The following USP42 variants were observed in gnomAD, a reference collection of about 807,000 sequenced individuals.
USP42 encodes ubiquitin specific peptidase 42.
In USP42, 23 loss-of-function variants were observed where a neutral mutation model predicts 113.0. That is an observed-to-expected ratio of 0.20 (90% CI 0.15 to 0.29). USP42 has a LOEUF of 0.29. USP42 is among the 10% of genes least tolerant of loss of function. The pLI, the probability that USP42 is intolerant of heterozygous loss-of-function variation, is 1.00. For synonymous variants in USP42, 933 were observed against 699.0 expected (o/e 1.33, Z -5.28); for missense variants, 2,174 against 1,779.8 (o/e 1.22, Z -3.99).
intron 1 of USP42, 36 bp from the exon 2 acceptor site, chr7:6,111,089 C>T (rs1027333968): frequency 1.3e-6 from 2 of 1,580,732 alleles, no homozygotes; most frequent in Non-Finnish European, 8.6e-7. Flanking sequence ...CTTTTCTCAC[C>T]TGATGAAACA....
chr7:6,123,777 G>T (rs1281547502), intron 3 of USP42, among the ~76,000 whole-genome samples: 1 of 141,268 alleles, frequency 7.1e-6, no homozygotes, highest in African/African-American at 2.6e-5. Flanking sequence ...GAGCCAGGGA[G>T]TTGAAGGATT....
At chr7:6,145,768 G>C (rs192955553) in intron 10 of USP42, 112 bp downstream of exon 10, 10 of 1,235,312 alleles carry the variant, frequency 8.1e-6, no homozygotes. Context: ...GTGAATACCC[G>C]AGGTAAAAAT....
chr7:6,149,072 A>G (rs769667432), intron 12 of USP42, among the ~76,000 whole-genome samples: 3 of 152,166 alleles, frequency 2.0e-5, no homozygotes, highest in African/African-American at 7.2e-5. Flanking sequence ...CCATGGGGGA[A>G]CCTGCAGCGA....
rs759472526 is a variant in USP42, at chr7:6,153,820, G to T, written c.2266G>T (p.Ala756Ser). The T allele has an allele frequency of 6.5e-7, 1 of 1,531,242 alleles. No homozygotes were observed. The highest frequency in any genetic ancestry group is 1.4e-5 in the African/African-American group (1 of 71,680). The allele number at this position is 1,531,242 out of a possible 1,614,324, so 94.9% of individuals were successfully genotyped here. A position where few individuals can be genotyped will look rare whatever the true frequency, so the allele number is the denominator to read the frequency against. The stretch of plus-strand genomic sequence containing the variant: ...CGCCGAGCCTCAGCCTGGCAGCCCC[G>T]CCGCCGAATCCCTGGAGGAGCCAGA... The part of the protein sequence containing the change: ...RDAEPQPGSP[A>S]AESLEEPDAA... The change falls in exon 15 of 18, where the codon GCC becomes TCC. Residue 756 changes from alanine to serine, a missense_variant. Transcript: ENST00000306177.
At chr7:6,144,368 A>AG (rs1270794222) in intron 9 of USP42, among the ~76,000 whole-genome samples, 172 bp downstream of exon 9, 1 of 152,206 alleles carries the variant, frequency 6.6e-6, no homozygotes, top group Non-Finnish European at 1.5e-5. Context: ...GAGGGGATAC[A>AG]GGGAGAGCCT....
rs1422914532 is a variant in USP42 at position 6,120,498 on chromosome 7, C to T, written c.442+4975C>T. On this transcript the variant is annotated intron_variant, in intron 3 of 17. Transcript: ENST00000306177. Reference sequence around the variant, plus strand: ...CCTCAAGTGATCTGCCCGACTCGGCCTCCCAAAGTGCTGGGATTACAGGCA... The same window carrying T: ...CCTCAAGTGATCTGCCCGACTCGGCTTCCCAAAGTGCTGGGATTACAGGCA... Among the ~76,000 whole-genome samples, 5 of 152,242 alleles carry T rather than the reference C, an allele frequency of 3.3e-5. No homozygotes were observed. The East Asian group carries it at 7.7e-4, about 24-fold the overall frequency.
intron 3 of USP42, among the ~76,000 whole-genome samples, chr7:6,131,768 C>G (rs1185051629): frequency 6.6e-6 from 1 of 152,162 alleles, no homozygotes; most frequent in Non-Finnish European, 1.5e-5. Flanking sequence ...ATGTCTCTTT[C>G]TCTTTCTACC....
intron 14 of USP42, among the ~76,000 whole-genome samples, chr7:6,153,197 C>T (rs528297241): frequency 6.6e-6 from 1 of 151,954 alleles, no homozygotes; most frequent in South Asian, 2.1e-4. Context: ...CGCTTGCACC[C>T]AGGAGATGGA....
At chr7:6,102,459 C>T (rs1489741082), upstream of USP42, among the ~76,000 whole-genome samples, 1 of 148,626 alleles carries the variant, frequency 6.7e-6, no homozygotes, top group Admixed American at 6.7e-5. Flanking sequence ...TTGTCAACAG[C>T]GTGAAATGGA....
chr7:6,100,965 G>C (rs1305898088), upstream of USP42, among the ~76,000 whole-genome samples: 1 of 151,086 alleles, frequency 6.6e-6, no homozygotes, highest in Non-Finnish European at 1.5e-5. Flanking sequence ...ACTGAGCCTG[G>C]CTGGTACCCA....
chr7:6,130,866 A>G (rs886589729), intron 3 of USP42, among the ~76,000 whole-genome samples: 39 of 152,150 alleles, frequency 2.6e-4, no homozygotes, highest in African/African-American at 9.2e-4. Flanking sequence ...AGCAAGGGGA[A>G]GGCATTATTG....
chr7:6,160,954 C>A lies in USP42; in HGVS notation c.*436C>A, dbSNP rs1417440615. On this transcript the variant is annotated 3_prime_UTR_variant, in exon 18 of 18. Coordinates refer to ENST00000306177, the MANE Select transcript of USP42 (RefSeq NM_032172.3). Reference sequence around the variant, plus strand: ...ACAGTGTGTATATTTAATTTAAAGACTTATTTAAAAACTCACAAGCTCTCA... The same window carrying A: ...ACAGTGTGTATATTTAATTTAAAGAATTATTTAAAAACTCACAAGCTCTCA... The A allele has an allele frequency of 6.6e-6, 1 of 152,592 alleles. No homozygotes were observed. Among genetic ancestry groups the A allele is most frequent in the Non-Finnish European group, 1.5e-5 (1 of 68,040 alleles). 9.5% of individuals were successfully genotyped at this position (152,592 alleles called of 1,614,324 possible).
the USP42 span, among the ~76,000 whole-genome samples, chr7:6,094,055 T>G: frequency 5.8e-4 from 87 of 151,284 alleles, no homozygotes; most frequent in Admixed American, 1.0e-3. Flanking sequence ...TAATTTTTTT[T>G]GTATTTTTAG....
intron 8 of USP42, 30 bp downstream of exon 8, chr7:6,143,044 G>T: frequency 6.2e-7 from 1 of 1,612,110 alleles, no homozygotes; most frequent in Non-Finnish European, 8.5e-7. Context: ...GATTCTTGAT[G>T]CCGGCTTCTC....
At position 6,150,487 on chromosome 7, in the gene USP42, G is replaced by C. The variant is rs1285478935; in HGVS notation, c.2182G>C (p.Gly728Arg). ...ETFRLSNKLK[G>R]STDEMSAPGA... is the part of the protein sequence containing the mutation. ...CTTCAGGCTTAGCAACAAACTGAAA[G>C]GCTCGACGGATGAAATGAGGTAACG... The change falls in exon 14 of 18, where the codon GGC becomes CGC. Residue 728 changes from glycine to arginine, a missense_variant. Transcript: ENST00000306177. 6.2e-7 allele frequency: 1 copy of C among 1,613,978 alleles called. No homozygotes were observed. Among genetic ancestry groups the C allele is most frequent in the East Asian group, 2.2e-5 (1 of 44,892 alleles).
At chr7:6,086,757 G>T in the USP42 span, among the ~76,000 whole-genome samples, 5 of 141,210 alleles carry the variant, frequency 3.5e-5, no homozygotes, top group Non-Finnish European at 7.5e-5. Flanking sequence ...ATGGAGTTTC[G>T]CTCTTGTCGC....
the USP42 span, among the ~76,000 whole-genome samples, chr7:6,082,277 C>T: frequency 6.2e-3 from 937 of 151,832 alleles, 9 homozygotes; most frequent in African/African-American, 0.022. Context: ...TACAGGTGCC[C>T]GCCACCAGGC....
chr7:6,119,467 C>G (rs974426803), intron 3 of USP42, among the ~76,000 whole-genome samples: 1 of 152,110 alleles, frequency 6.6e-6, no homozygotes, highest in Non-Finnish European at 1.5e-5. Flanking sequence ...TGAGATCTTA[C>G]GTCAACCAAA....
the USP42 span, chr7:6,088,720 T>G: frequency 1.3e-5 from 2 of 151,262 alleles, no homozygotes; most frequent in East Asian, 3.9e-4. Context: ...GAATTTATAA[T>G]TTTCTCTTTC....
Sources: allele counts gnomAD v4.1 joint callset (sites outside exome capture counted in the v4.1 genomes callset), GRCh38; gene constraint gnomAD v4.1.1; transcripts MANE v1.5; gene names NCBI Gene and HGNC (gene_info 2026-07-23, HGNC 2026-07-21).